The following ZSWIM2 variants were observed in gnomAD, a reference collection of about 807,000 sequenced individuals.
ZSWIM2 encodes E3 ubiquitin-protein ligase ZSWIM2.
In ZSWIM2, 38 loss-of-function variants were observed where a neutral mutation model predicts 48.4. The observed-to-expected ratio is 0.79, with a 90% CI of 0.61 to 1.03. ZSWIM2 has a LOEUF of 1.03. ZSWIM2 is among the 50% of genes least tolerant of loss of function. ZSWIM2 has a pLI of 0.00. For missense variants in ZSWIM2, 776 were observed against 730.2 expected (o/e 1.06, Z -0.72); for synonymous variants, 240 against 251.3 (o/e 0.96, Z 0.42).
chr2:186,835,650 A>T (rs1691780668), intron 5 of ZSWIM2, among the ~76,000 whole-genome samples: 2 of 152,192 alleles, frequency 1.3e-5, no homozygotes, highest in Non-Finnish European at 2.9e-5. Context: ...AAGTAGTTAA[A>T]TTCTGAAATT....
chr2:186,828,642 T>C lies in ZSWIM2; in HGVS notation c.1244A>G (p.His415Arg). The C allele has an allele frequency of 1.2e-6, 2 of 1,612,952 alleles. No individual in the cohort carries two copies. Among genetic ancestry groups the C allele is most frequent in the Non-Finnish European group, 1.7e-6 (2 of 1,179,602 alleles). ...HQSVSNRDIIHLSKQKEPDLF... is the reference protein window; with the variant it reads ...HQSVSNRDIIRLSKQKEPDLF... ...ATCTGGTTCTTTCTGCTTTGATAGA[T>C]GAATGATGTCTCTGTTTGAAACAGA... is the stretch of plus-strand genomic sequence containing the variant. The change falls in exon 9 of 9, where the codon CAT becomes CGT. Residue 415 changes from histidine (H) to arginine (R), a missense_variant. Coordinates refer to ENST00000295131, the MANE Select transcript of ZSWIM2 (RefSeq NM_182521.3).
rs1303636829 is a variant in ZSWIM2, at chr2:186,828,378, A to G, written c.1508T>C (p.Val503Ala). Reference sequence around the variant, plus strand: ...TTGAGATGGTATTTTCCCAAATGACACAGTGGGTAAATCTTGAAGATACCT... The same window carrying G: ...TTGAGATGGTATTTTCCCAAATGACGCAGTGGGTAAATCTTGAAGATACCT... The part of the protein sequence containing the change: ...FPRYLQDLPT[V>A]SFGKIPSQTL... The change falls in exon 9 of 9, where the codon GTG becomes GCG. Residue 503 changes from valine to alanine, a missense_variant. By Grantham distance (64) the Val-to-Ala change is moderately conservative. Transcript: ENST00000295131. The G allele has an allele frequency of 5.6e-6, 9 of 1,613,754 alleles. No homozygotes were observed. In the South Asian group the frequency reaches 9.9e-5, roughly 18 times the overall value.
At chr2:186,835,008 G>A (rs1330774064) in intron 5 of ZSWIM2, among the ~76,000 whole-genome samples, 1 of 152,118 alleles carries the variant, frequency 6.6e-6, no homozygotes, top group African/African-American at 2.4e-5. Context: ...TGCCTTCTCA[G>A]ACTACCTTAG....
chr2:186,841,216 T>C (rs141577086), intron 3 of ZSWIM2, among the ~76,000 whole-genome samples: 1 of 151,666 alleles, frequency 6.6e-6, no homozygotes, highest in Admixed American at 6.6e-5. Context: ...CAGGCATTGA[T>C]AGATTACTTT....
At chr2:186,844,683 A>C (rs1488270890) in intron 3 of ZSWIM2, 34 bp downstream of exon 3, 1 of 1,533,980 alleles carries the variant, frequency 6.5e-7, no homozygotes, top group African/African-American at 1.5e-5. Context: ...TAAAATAAAA[A>C]AAAAACACAA....
chr2:186,841,212 T>C (rs1451153225), intron 3 of ZSWIM2, among the ~76,000 whole-genome samples: 1 of 151,538 alleles, frequency 6.6e-6, no homozygotes, highest in Non-Finnish European at 1.5e-5. Flanking sequence ...TTACCAGGCA[T>C]TGATAGATTA....
chr2:186,844,826 A>G (rs11892669), intron 2 of ZSWIM2, 69 bp from the exon 3 acceptor site: 119,063 of 1,274,876 alleles, frequency 0.093, 7,683 homozygotes, highest in African/African-American at 0.33. Flanking sequence ...ACATTTAAAA[A>G]TATTTAGAAT....
intron 3 of ZSWIM2, among the ~76,000 whole-genome samples, chr2:186,843,218 G>C (rs1691940522): frequency 6.6e-6 from 1 of 151,646 alleles, no homozygotes; most frequent in South Asian, 2.1e-4. Flanking sequence ...ATAGTGTAGA[G>C]AATAAGACTT....
In ZSWIM2 at chr2:186,849,121, G is replaced by C; in HGVS notation, c.10C>G (p.Arg4Gly). The stretch of plus-strand genomic sequence containing the variant: ...CGCCTTTCAGAGGCCTTATAGCCTC[G>C]GCGAAGCATGCTGGGTGCGGGCGGA... MLR[R>G]GYKASERRRH... The change falls in exon 1 of 9, where the codon CGA becomes GGA. Residue 4 changes from arginine (R) to glycine (G), a missense_variant. Transcript: ENST00000295131. 1 of 1,610,478 alleles carries C rather than the reference G, an allele frequency of 6.2e-7. No homozygotes were observed. The highest frequency in any genetic ancestry group is 8.5e-7 in the Non-Finnish European group (1 of 1,177,728).
At chr2:186,838,938 T>C (rs907872529) in intron 4 of ZSWIM2, 21 bp downstream of exon 4, 13 of 1,594,202 alleles carry the variant, frequency 8.2e-6, no homozygotes, top group Admixed American at 1.7e-5. Flanking sequence ...GTTTTAAGAA[T>C]CTAAAGAAAA....
At chr2:186,833,009 G>A (rs1691730338) in intron 7 of ZSWIM2, 111 bp downstream of exon 7, 2 of 472,164 alleles carry the variant, frequency 4.2e-6, no homozygotes, top group African/African-American at 2.1e-5. Flanking sequence ...GTATCTAAGT[G>A]CTTAATAATA....
At position 186,839,026 on chromosome 2, in the gene ZSWIM2, A is replaced by C; in HGVS notation, c.427T>G (p.Ser143Ala). The C allele has an allele frequency of 6.2e-7, 1 of 1,611,740 alleles. No individual in the cohort carries two copies. The highest frequency in any genetic ancestry group is 2.2e-5 in the East Asian group (1 of 44,806). The change falls in exon 4 of 9, where the codon TCA becomes GCA. Residue 143 changes from serine (S) to alanine (A), a missense_variant. Ser to Ala is a moderately conservative substitution (Grantham distance 99). Coordinates refer to ENST00000295131, the MANE Select transcript of ZSWIM2 (RefSeq NM_182521.3). ...DGYIKQKEID[S>A]EDICSICQEL... ...TGACAAATAGAGCAGATATCCTCTG[A>C]ATCAATTTCCTTCTGTTTAATGTAC...
chr2:186,831,930 C>T (rs1422937746), intron 7 of ZSWIM2, among the ~76,000 whole-genome samples: 56 of 151,884 alleles, frequency 3.7e-4, no homozygotes, highest in Middle Eastern at 3.4e-3. Context: ...TGCTAAATGA[C>T]GAGTTAATGG....
intron 5 of ZSWIM2, among the ~76,000 whole-genome samples, chr2:186,834,262 G>A (rs1157523613): frequency 2.6e-5 from 4 of 152,112 alleles, no homozygotes; most frequent in African/African-American, 7.2e-5. Flanking sequence ...AGTCTGAGAT[G>A]AGTTTCAATG....
intron 1 of ZSWIM2, 148 bp from the exon 2 acceptor site, chr2:186,847,943 A>T: frequency 2.0e-6 from 1 of 493,940 alleles, no homozygotes; most frequent in Non-Finnish European, 3.6e-6. Context: ...TTAATTCTTG[A>T]TACTAGTCTC....
chr2:186,836,974 C>A (rs1691805011), intron 5 of ZSWIM2, among the ~76,000 whole-genome samples: 2 of 152,096 alleles, frequency 1.3e-5, no homozygotes, highest in African/African-American at 4.8e-5. Flanking sequence ...GTGAGAGATC[C>A]AGCAAGGCTC....
chr2:186,838,486 TA>T (rs1183916244), intron 4 of ZSWIM2, among the ~76,000 whole-genome samples: 1 of 149,974 alleles, frequency 6.7e-6, no homozygotes, highest in Non-Finnish European at 1.5e-5. Context: ...ATAACTATAA[TA>T]AACCATCACA....
At chr2:186,833,610 G>A (rs1172506530) in intron 6 of ZSWIM2, among the ~76,000 whole-genome samples, 2 of 152,060 alleles carry the variant, frequency 1.3e-5, no homozygotes, top group Non-Finnish European at 2.9e-5. Flanking sequence ...AATCATAAAT[G>A]TTTTGGTTTT....
chr2:186,837,348 C>A lies in ZSWIM2; in HGVS notation c.701G>T (p.Cys234Phe). ...AATTGGAAACTGTTTGCAGTTATTA[C>A]AGGGAATCCCAAGGTGTTTGTCCAG... Reference protein sequence around the residue: ...ERLDKHLGIPCNNCKQFPIEG... With the variant: ...ERLDKHLGIPFNNCKQFPIEG... Residue 234 changes from cysteine to phenylalanine, a missense_variant, in exon 5 of 9, where the codon TGT (cysteine) becomes TTT (phenylalanine). Physicochemically the swap from Cys to Phe is radical, Grantham distance 205 (BLOSUM62 -2). Transcript: ENST00000295131. 1 of 1,612,832 alleles carries A rather than the reference C, an allele frequency of 6.2e-7. No individual in the cohort carries two copies. Among genetic ancestry groups the A allele is most frequent in the Non-Finnish European group, 8.5e-7 (1 of 1,179,204 alleles).
Sources: gnomAD v4.1 joint callset for allele counts (sites outside exome capture counted in the v4.1 genomes callset) on GRCh38, gnomAD v4.1.1 for gene constraint, MANE v1.5 for transcripts, NCBI Gene and HGNC (gene_info 2026-07-23, HGNC 2026-07-21) for gene names.